Variants in ZNF880 observed in about 807,000 individuals in gnomAD.
ZNF880 encodes zinc finger protein LOC400713.
In ZNF880, 12 loss-of-function variants were observed where a neutral mutation model predicts 11.8. The observed-to-expected ratio is 1.02, with a 90% CI of 0.65 to 1.65. The LOEUF is 1.65. ZNF880 is among the 40% of genes most tolerant of loss of function. The pLI, the probability that ZNF880 is intolerant of heterozygous loss-of-function variation, is 0.00. For missense variants in ZNF880, 601 were observed against 673.9 expected (o/e 0.89, Z 1.20); for synonymous variants, 210 against 232.4 (o/e 0.90, Z 0.88).
chr19:52,393,548 TTTG>T, the ZNF880 span, among the ~76,000 whole-genome samples: 5 of 152,110 alleles, frequency 3.3e-5, no homozygotes, highest in East Asian at 3.9e-4. Context: ...ATACCAATCT[TTTG>T]TTGTTGTTGG....
At chr19:52,397,201 C>T in the ZNF880 span, 1 of 150,778 alleles carries the variant, frequency 6.6e-6, no homozygotes, top group Non-Finnish European at 1.5e-5. Context: ...TGGCCTTAGT[C>T]CTCCATGCCC....
At position 52,384,097 on chromosome 19, in the gene ZNF880, C is replaced by T; in HGVS notation, c.517C>T (p.Gln173Ter). The part of the protein sequence containing the change: ...NDFDDSPFLP[Q>*]EQKAQIREKP... ...TTTTGATGATTCTCCATTTCTCCCA[C>T]AAGAACAAAAAGCACAAATAAGGGA... is the stretch of plus-strand genomic sequence containing the variant. Residue 173 changes from glutamine to a stop codon, truncating the protein, a stop_gained, in exon 4 of 4, where the codon CAA becomes TAA. Coordinates refer to ENST00000422689, the MANE Select transcript of ZNF880 (RefSeq NM_001145434.2). LOFTEE classifies it low-confidence loss of function (END_TRUNC). 6.3e-7 allele frequency: 1 copy of T among 1,593,410 alleles called. No individual in the cohort carries two copies. The highest frequency in any genetic ancestry group is 1.1e-5 in the South Asian group (1 of 89,050).
At chr19:52,378,574 G>C (rs1986619139) in intron 3 of ZNF880, among the ~76,000 whole-genome samples, 1 of 151,232 alleles carries the variant, frequency 6.6e-6, no homozygotes, top group Admixed American at 6.6e-5. Context: ...TTCAACCCGG[G>C]AGGTGGAGGT....
chr19:52,378,660 A>T (rs1433021288), intron 3 of ZNF880, among the ~76,000 whole-genome samples: 5 of 151,808 alleles, frequency 3.3e-5, no homozygotes, highest in Non-Finnish European at 7.4e-5. Context: ...AAAAAAAAAA[A>T]AAAAAAGAAA....
intron 3 of ZNF880, among the ~76,000 whole-genome samples, chr19:52,382,208 G>A (rs186060641): frequency 6.6e-6 from 1 of 152,026 alleles, no homozygotes; most frequent in African/African-American, 2.4e-5. Context: ...GCTTGGGAGG[G>A]GGAGGTTGCA....
Position 52,378,645 on chromosome 19 carries a change from C to CA in ZNF880, c.268+4239dup, listed in dbSNP as rs3070397. 8.4e-3 allele frequency among the ~76,000 whole-genome samples: 714 copies of CA among 84,888 alleles called. 13 individuals carry two copies. Among genetic ancestry groups the CA allele is most frequent in the East Asian group, 0.065 (190 of 2,920 alleles). 55.7% of individuals were successfully genotyped at this position (84,888 alleles called of 152,430 possible). A position where few individuals can be genotyped will look rare whatever the true frequency, so the allele number is the denominator to read the frequency against. On this transcript the variant is annotated intron_variant, in intron 3 of 3. Transcript: ENST00000422689. ...CTGGTGACAGAGCGGGACTCTGTCT[C>CA]AAAAAAAAAAAAAAAAAAAAAGAAA... is the stretch of plus-strand genomic sequence containing the variant.
the ZNF880 span, among the ~76,000 whole-genome samples, chr19:52,395,284 G>A: frequency 2.2e-4 from 33 of 152,256 alleles, no homozygotes; most frequent in Middle Eastern, 6.8e-3. Context: ...GTAGTGATAA[G>A]AGGGGACATT....
At chr19:52,382,327 T>C (rs537207510) in intron 3 of ZNF880, among the ~76,000 whole-genome samples, 1 of 152,166 alleles carries the variant, frequency 6.6e-6, no homozygotes, top group East Asian at 1.9e-4. Context: ...AAAAGAGTAA[T>C]AATAAATATC....
chr19:52,374,380 T>G lies in ZNF880; in HGVS notation c.221T>G (p.Ile74Arg). ...DPRNLQSEVK[I>R]ANNPGGRECI... ...CGGAATCTGCAGAGTGAAGTGAAAATAGCAAACAATCCAGGTGGCAGGGAG... is the reference window on the plus strand; with the variant it reads ...CGGAATCTGCAGAGTGAAGTGAAAAGAGCAAACAATCCAGGTGGCAGGGAG... The change falls in exon 3 of 4, where the codon ATA becomes AGA. Residue 74 changes from isoleucine (I) to arginine (R), a missense_variant. Around this residue, in one of 3 missense-constraint regions of ZNF880, gnomAD observed 420 missense variants for 442.6 expected, o/e 0.95. Transcript: ENST00000422689. The G allele has an allele frequency of 1.2e-6, 2 of 1,612,938 alleles. No homozygotes were observed. The highest frequency in any genetic ancestry group is 1.3e-5 in the African/African-American group (1 of 74,892).
At chr19:52,387,783 AAG>A (rs1986925923), downstream of ZNF880, among the ~76,000 whole-genome samples, 1 of 142,760 alleles carries the variant, frequency 7.0e-6, no homozygotes, top group Admixed American at 6.9e-5. Flanking sequence ...GTATGTTAAT[AAG>A]AGTGAAAATA....
rs1157469366 is a variant in ZNF880, at chr19:52,385,637, G to C, written c.*323G>C. 4 of 212,382 alleles carry C rather than the reference G, an allele frequency of 1.9e-5. No individual in the cohort carries two copies. The highest frequency in any genetic ancestry group is 3.4e-5 in the Non-Finnish European group (4 of 116,446). 13.2% of individuals were successfully genotyped at this position (212,382 alleles called of 1,614,324 possible). ...TACACAAGCGATAATTCAGTCTCTA[G>C]TTCTCCAATATTTATGATACTGCAT... On this transcript the variant is annotated 3_prime_UTR_variant, in exon 4 of 4. Transcript: ENST00000422689.
chr19:52,369,892 T>A (rs1386741277), upstream of ZNF880: 1 of 1,546,948 alleles, frequency 6.5e-7, no homozygotes, highest in African/African-American at 1.4e-5. Context: ...CACCCGGGCC[T>A]GGCCTCGCCT....
downstream of ZNF880, among the ~76,000 whole-genome samples, chr19:52,388,419 A>G (rs1381521853): frequency 1.3e-4 from 19 of 149,282 alleles, no homozygotes; most frequent in Admixed American, 2.7e-4. Flanking sequence ...CTGGGACTAC[A>G]AGCGTGCACC....
At position 52,384,440 on chromosome 19, in the gene ZNF880, ACAGAATCCACACT is replaced by A; in HGVS notation, c.861_873del (p.His287GlnfsTer54). ...CAAAATTCTCACCTTGCAAATCATC[ACAGAATCCACACT>A]GGAGAGAAACCTTACAAATGTAATG... On this transcript the variant is annotated frameshift_variant, in exon 4 of 4. Transcript: ENST00000422689. LOFTEE classifies it low-confidence loss of function (END_TRUNC). 6.2e-7 allele frequency: 1 copy of A among 1,614,190 alleles called. No individual in the cohort carries two copies. The highest frequency in any genetic ancestry group is 8.5e-7 in the Non-Finnish European group (1 of 1,180,028).
At chr19:52,392,842 G>C in the ZNF880 span, 1 of 172,348 alleles carries the variant, frequency 5.8e-6, no homozygotes, top group Non-Finnish European at 1.4e-5. Flanking sequence ...TATTTTTTGA[G>C]AGACAGGGTC....
chr19:52,394,290 G>A, the ZNF880 span, among the ~76,000 whole-genome samples: 1 of 152,154 alleles, frequency 6.6e-6, no homozygotes, highest in Non-Finnish European at 1.5e-5. Context: ...TGGCTGGAGT[G>A]CAGTGGAGCA....
At chr19:52,391,732 A>T in the ZNF880 span, among the ~76,000 whole-genome samples, 3 of 152,328 alleles carry the variant, frequency 2.0e-5, no homozygotes, top group African/African-American at 7.2e-5. Flanking sequence ...AATTCTTGGT[A>T]TCAGAGGTTA....
At chr19:52,378,354 G>A (rs1319559136) in intron 3 of ZNF880, among the ~76,000 whole-genome samples, 1 of 152,102 alleles carries the variant, frequency 6.6e-6, no homozygotes, top group Non-Finnish European at 1.5e-5. Flanking sequence ...GTTGACAGAA[G>A]GATCCTTTAG....
At chr19:52,390,624 G>T (rs1206344283), downstream of ZNF880, 3 of 164,568 alleles carry the variant, frequency 1.8e-5, no homozygotes, top group African/African-American at 4.8e-5. Context: ...TGGGAAAGAA[G>T]AATGAAGGAG....
Sources: gnomAD v4.1 joint callset for allele counts (sites outside exome capture counted in the v4.1 genomes callset) on GRCh38, gnomAD v4.1.1 for gene constraint, gnomAD v4.1.1 regional missense constraint, MANE v1.5 for transcripts, NCBI Gene and HGNC (gene_info 2026-07-23, HGNC 2026-07-21) for gene names.